PRKAR2A: variants seen among roughly 807,000 people sequenced by gnomAD.
PRKAR2A encodes the protein protein kinase cAMP-dependent type II regulatory subunit alpha, also known as cAMP-dependent protein kinase type II-alpha regulatory subunit.
A neutral mutation model predicts 51.9 loss-of-function variants in PRKAR2A; 29 were observed. That is an observed-to-expected ratio of 0.56 (90% confidence interval 0.42 to 0.76). The LOEUF is 0.76. PRKAR2A is among the 30% of genes least tolerant of loss of function. The pLI is 0.00. For missense variants in PRKAR2A, 445 were observed against 512.1 expected, an observed-to-expected ratio of 0.87 and a Z score of 1.26; for synonymous variants, 178 against 186.2, an observed-to-expected ratio of 0.96 and a Z score of 0.36.
Position 48,847,619 on chromosome 3 carries a change from G to A in PRKAR2A, c.-23C>T. On this transcript the variant is annotated 5_prime_UTR_variant, in exon 1 of 11. Coordinates refer to ENST00000265563, the MANE Select transcript of PRKAR2A (RefSeq NM_004157.4). The surrounding 1 kb of genome is among the most constrained non-coding windows in gnomAD (Gnocchi z 4.4). ...CATGCCGGCGGCGGCCGAAGGGATA[G>A]ACGGGTTGGGCCGCCGGCGGCCACT... The A allele has an allele frequency of 2.1e-6, 3 of 1,433,356 alleles. No homozygotes were observed. Among genetic ancestry groups the A allele is most frequent in the Non-Finnish European group, 2.7e-6 (3 of 1,100,580 alleles). The allele number at this position is 1,433,356 out of a possible 1,614,324, so 88.8% of individuals were successfully genotyped here.
rs779238194 is a variant in PRKAR2A, at chr3:48,835,673, CT to C, written c.262+11661del. ...AAAAAAAAAAAGCCAGGTGTGGTAG[CT>C]TATATGCCTACAGGCTGAGGCAGGA... On this transcript the variant is annotated intron_variant, in intron 1 of 10. Transcript: ENST00000265563. Among the ~76,000 whole-genome samples, 18 of 147,930 alleles carry C rather than the reference CT, an allele frequency of 1.2e-4. No homozygotes were observed. The East Asian group carries it at 2.6e-3, about 21-fold the overall frequency.
chr3:48,837,231 G>T (rs1261363783), intron 1 of PRKAR2A, among the ~76,000 whole-genome samples: 1 of 152,098 alleles, frequency 6.6e-6, no homozygotes. Flanking sequence ...ATGAGCCCAG[G>T]ATTTCAAGGC....
At chr3:48,759,297 G>A (rs533438892) in intron 8 of PRKAR2A, among the ~76,000 whole-genome samples, 2 of 152,086 alleles carry the variant, frequency 1.3e-5, no homozygotes, top group East Asian at 3.9e-4. Flanking sequence ...GGCTGTTCAG[G>A]CTTTGTAGGA....
chr3:48,804,903 GTTAAGT>G (rs2082649858), intron 2 of PRKAR2A, among the ~76,000 whole-genome samples: 1 of 151,854 alleles, frequency 6.6e-6, no homozygotes, highest in Non-Finnish European at 1.5e-5. Flanking sequence ...ATATAATAAT[GTTAAGT>G]TTAATTTTAA....
intron 6 of PRKAR2A, among the ~76,000 whole-genome samples, chr3:48,769,467 T>G (rs763377969): frequency 3.3e-5 from 5 of 151,328 alleles, no homozygotes; most frequent in Non-Finnish European, 5.9e-5. Context: ...ACAACAAATA[T>G]CTCTTACAGC....
rs1575970939 is a variant in PRKAR2A, at chr3:48,847,133, C to T, written c.262+202G>A. Among the ~76,000 whole-genome samples the T allele has an allele frequency of 2.0e-5, 3 of 152,310 alleles. No homozygotes were observed. Among genetic ancestry groups the T allele is most frequent in the Admixed American group, 2.0e-4 (3 of 15,298 alleles). ...AAATCACTCGGTGCGCTCTAGGGCT[C>T]GCAGGATCGCGGAGCTCAATTTGGA... On this transcript the variant is annotated intron_variant, in intron 1 of 10. Coordinates refer to ENST00000265563, the MANE Select transcript of PRKAR2A (RefSeq NM_004157.4). The surrounding 1 kb of genome is among the most constrained non-coding windows in gnomAD (Gnocchi z 4.4).
intron 1 of PRKAR2A, among the ~76,000 whole-genome samples, chr3:48,815,460 G>A (rs1405677312): frequency 1.3e-5 from 2 of 151,408 alleles, no homozygotes; most frequent in African/African-American, 4.8e-5. Context: ...ACTTTGGGAG[G>A]CTGAGGCGGG....
intron 1 of PRKAR2A, among the ~76,000 whole-genome samples, chr3:48,822,167 C>T (rs889629127): frequency 2.1e-5 from 3 of 144,430 alleles, no homozygotes; most frequent in Non-Finnish European, 4.5e-5. Context: ...GCCAAGATTG[C>T]ACCATTGCAC....
chr3:48,794,341 G>A (rs1391572581), intron 2 of PRKAR2A, among the ~76,000 whole-genome samples: 1 of 151,416 alleles, frequency 6.6e-6, no homozygotes, highest in Non-Finnish European at 1.5e-5. Context: ...AGTAGGGATG[G>A]GGTTTCACCA....
intron 5 of PRKAR2A, 117 bp from the exon 6 acceptor site, chr3:48,773,225 G>T: frequency 6.8e-6 from 5 of 738,914 alleles, no homozygotes; most frequent in Non-Finnish European, 6.1e-6. Context: ...AACTTTGCTA[G>T]TATATAAAAA....
intron 1 of PRKAR2A, among the ~76,000 whole-genome samples, chr3:48,815,603 G>A (rs2107385420): frequency 6.6e-6 from 1 of 151,532 alleles, no homozygotes; most frequent in South Asian, 2.1e-4. Flanking sequence ...TGACGCAGGA[G>A]AATCGCTTGA....
chr3:48,818,157 A>G (rs2107393883), intron 1 of PRKAR2A, among the ~76,000 whole-genome samples: 1 of 152,360 alleles, frequency 6.6e-6, no homozygotes, highest in African/African-American at 2.4e-5. Flanking sequence ...GAGGCAGATC[A>G]GATTTCTCTA....
chr3:48,760,977 C>T (rs915874858), intron 8 of PRKAR2A, among the ~76,000 whole-genome samples: 5 of 151,430 alleles, frequency 3.3e-5, no homozygotes, highest in African/African-American at 1.2e-4. Context: ...CAGAGTGAGA[C>T]CTTGCTTCTA....
At position 48,846,044 on chromosome 3, in the gene PRKAR2A, T is replaced by TG. The variant is rs535781281; in HGVS notation, c.262+1290dup. 9.1e-4 allele frequency among the ~76,000 whole-genome samples: 138 copies of TG among 152,226 alleles called. 1 individual carries two copies. The highest frequency in any genetic ancestry group is 3.1e-3 in the African/African-American group (130 of 41,550). On this transcript the variant is annotated intron_variant, in intron 1 of 10. Coordinates refer to ENST00000265563, the MANE Select transcript of PRKAR2A (RefSeq NM_004157.4). ...CTGCTCGGTCCTTATTGCGTACTCT[T>TG]GGAGTTTATTGCAAACTCTTGGAGA...
chr3:48,776,897 A>C (rs2082114288), intron 5 of PRKAR2A, among the ~76,000 whole-genome samples: 1 of 152,184 alleles, frequency 6.6e-6, no homozygotes, highest in Non-Finnish European at 1.5e-5. Context: ...GATTAAAAAA[A>C]TTAAATCACA....
At chr3:48,768,170 T>C (rs980135163) in intron 6 of PRKAR2A, among the ~76,000 whole-genome samples, 6 of 151,404 alleles carry the variant, frequency 4.0e-5, no homozygotes, top group Non-Finnish European at 8.8e-5. Context: ...GGCGTGCACT[T>C]GTGGTCCCAG....
At chr3:48,832,226 G>T (rs2083200263) in intron 1 of PRKAR2A, among the ~76,000 whole-genome samples, 1 of 151,186 alleles carries the variant, frequency 6.6e-6, no homozygotes, top group South Asian at 2.1e-4. Flanking sequence ...CCCGGGAGGT[G>T]GAGGTTGCAG....
At chr3:48,822,151 C>T in intron 1 of PRKAR2A, among the ~76,000 whole-genome samples, 1 of 141,626 alleles carries the variant, frequency 7.1e-6, no homozygotes, top group African/African-American at 2.7e-5. Flanking sequence ...GCAGAGGTTG[C>T]AGTGAGCCAA....
Position 48,838,627 on chromosome 3 carries a change from G to A in PRKAR2A, c.262+8708C>T, listed in dbSNP as rs558765724. Among the ~76,000 whole-genome samples, 4 of 146,534 alleles carry A rather than the reference G, an allele frequency of 2.7e-5. No individual in the cohort carries two copies. The South Asian group carries it at 8.6e-4, about 31-fold the overall frequency. The stretch of plus-strand genomic sequence containing the variant: ...ATCTTTAAAAAAAAAAAAGAAAAAA[G>A]AAAAGAAAAACAAAACAGTATATGG... On this transcript the variant is annotated intron_variant, in intron 1 of 10. Transcript: ENST00000265563.
Sources: gnomAD v4.1 joint callset for allele counts (sites outside exome capture counted in the v4.1 genomes callset) on GRCh38, gnomAD v4.1.1 for gene constraint, Gnocchi (gnomAD v3.1) non-coding constraint, MANE v1.5 for transcripts, NCBI Gene and HGNC (gene_info 2026-07-23, HGNC 2026-07-21) for gene names.